Variants in FRMD5 observed in about 807,000 individuals in gnomAD.
FRMD5 encodes FERM domain containing 5, also known as FERM domain-containing protein 5.
In FRMD5, 20 loss-of-function variants were observed where a neutral mutation model predicts 69.0. That is an observed-to-expected ratio of 0.29 (90% CI 0.20 to 0.42). The LOEUF (loss-of-function observed/expected upper bound fraction) is 0.42, where lower values mean the gene tolerates loss of function less well. FRMD5 is among the 10% of genes least tolerant of loss of function. FRMD5 has a pLI of 1.00. For synonymous variants in FRMD5, 271 were observed against 260.1 expected, an observed-to-expected ratio of 1.04 and a Z score of -0.40; for missense variants, 595 against 708.6, an observed-to-expected ratio of 0.84 and a Z score of 1.82.
chr15:44,014,326 G>A (rs1008764487), intron 1 of FRMD5, among the ~76,000 whole-genome samples: 2 of 152,158 alleles, frequency 1.3e-5, no homozygotes, highest in African/African-American at 4.8e-5. Context: ...GAGAGGTTAA[G>A]TGTAAGGACT....
At chr15:43,893,140 A>C (rs898023168) in intron 7 of FRMD5, among the ~76,000 whole-genome samples, 2 of 152,044 alleles carry the variant, frequency 1.3e-5, no homozygotes, top group African/African-American at 4.8e-5. Flanking sequence ...AAAAAAAAAA[A>C]AAACATTTTA....
At chr15:44,085,481 T>G (rs1190075890) in intron 1 of FRMD5, among the ~76,000 whole-genome samples, 4 of 151,990 alleles carry the variant, frequency 2.6e-5, no homozygotes, top group Admixed American at 2.6e-4. Context: ...GTAGAAAAAT[T>G]AAGTAAGAAA....
intron 1 of FRMD5, chr15:43,989,310 G>T: frequency 1.3e-6 from 1 of 785,416 alleles, no homozygotes; most frequent in Non-Finnish European, 2.3e-6. Flanking sequence ...TGGCATACGG[G>T]TCTTTGAGGA....
intron 1 of FRMD5, among the ~76,000 whole-genome samples, chr15:44,101,078 G>C (rs1267003529): frequency 6.6e-6 from 1 of 151,852 alleles, no homozygotes; most frequent in African/African-American, 2.4e-5. Context: ...GAACTCAGGA[G>C]GCGGAGGTTG....
At chr15:44,035,125 C>T (rs1308614327) in intron 1 of FRMD5, among the ~76,000 whole-genome samples, 4 of 152,058 alleles carry the variant, frequency 2.6e-5, no homozygotes, top group Non-Finnish European at 5.9e-5. Context: ...GACTTCAGTC[C>T]AAACCCCAAA....
chr15:44,024,934 G>A (rs1443523633), intron 1 of FRMD5, among the ~76,000 whole-genome samples: 19 of 152,160 alleles, frequency 1.2e-4, no homozygotes, highest in Admixed American at 1.2e-3. Flanking sequence ...AGTAATAGGG[G>A]AATGGTTTAT....
chr15:43,990,112 C>A, intron 1 of FRMD5: 1 of 643,970 alleles, frequency 1.6e-6, no homozygotes, highest in Non-Finnish European at 3.0e-6. Flanking sequence ...GGGTGGGCAT[C>A]GTCACCTGCA....
intron 1 of FRMD5, among the ~76,000 whole-genome samples, chr15:43,998,787 A>T (rs1258520351): frequency 2.6e-5 from 4 of 152,148 alleles, no homozygotes; most frequent in Non-Finnish European, 5.9e-5. Context: ...TCACATCAGG[A>T]AGTTCAGTAT....
chr15:44,154,192 G>A (rs949638357), intron 1 of FRMD5, among the ~76,000 whole-genome samples: 4 of 151,988 alleles, frequency 2.6e-5, no homozygotes, highest in Non-Finnish European at 2.9e-5. Flanking sequence ...GTTTGGTGGT[G>A]CATGCTTTTC....
intron 13 of FRMD5, chr15:43,879,707 C>T (rs940866868): frequency 1.5e-5 from 6 of 398,916 alleles, no homozygotes; most frequent in African/African-American, 6.2e-5. Context: ...TCAGTGGAAA[C>T]CAGCTGATCT....
rs187839265 is a variant in FRMD5, at chr15:44,019,010, C to T, written c.103-94701G>A. ...CCTGGGTTCAAGCGATTCTCCTGCC[C>T]TAGCCTCCCAAGTAGCTGGGACTAT... On this transcript the variant is annotated intron_variant, in intron 1 of 13. Transcript: ENST00000417257. 5.1e-3 allele frequency among the ~76,000 whole-genome samples: 772 copies of T among 152,066 alleles called. 3 individuals carry two copies. The highest frequency in any genetic ancestry group is 8.6e-3 in the Non-Finnish European group (581 of 67,942).
At chr15:43,987,286 T>C (rs1041378325) in intron 1 of FRMD5, among the ~76,000 whole-genome samples, 5 of 152,366 alleles carry the variant, frequency 3.3e-5, no homozygotes, top group African/African-American at 1.2e-4. Flanking sequence ...ACTAGGCATC[T>C]TGTGCCAGTT....
intron 1 of FRMD5, among the ~76,000 whole-genome samples, chr15:44,136,067 G>A (rs565331612): frequency 7.9e-5 from 12 of 151,940 alleles, no homozygotes; most frequent in Non-Finnish European, 1.6e-4. Context: ...TGTCACCCAG[G>A]CTGGAGTACA....
intron 1 of FRMD5, among the ~76,000 whole-genome samples, chr15:44,013,459 C>A (rs1890815569): frequency 6.6e-6 from 1 of 152,184 alleles, no homozygotes; most frequent in Admixed American, 6.5e-5. Context: ...ATGGACTTAA[C>A]CATGGTGGTG....
At chr15:43,922,025 A>G (rs1344094447) in intron 2 of FRMD5, among the ~76,000 whole-genome samples, 3 of 152,188 alleles carry the variant, frequency 2.0e-5, no homozygotes, top group South Asian at 4.1e-4. Flanking sequence ...CATCCCTACC[A>G]TGAATCAGTG....
chr15:43,892,084 G>A lies in FRMD5; in HGVS notation c.640-15C>T. ...CCTGACACGTCCTGCAACACAGAAAGACTTCTCATCGGGTGATGCAGGCAC... is the reference window on the plus strand; with the variant it reads ...CCTGACACGTCCTGCAACACAGAAAAACTTCTCATCGGGTGATGCAGGCAC... On this transcript the variant is annotated splice_polypyrimidine_tract_variant and intron_variant, in intron 7 of 13. Transcript: ENST00000417257. The A allele has an allele frequency of 6.2e-7, 1 of 1,612,184 alleles. No individual in the cohort carries two copies. The highest frequency in any genetic ancestry group is 8.5e-7 in the Non-Finnish European group (1 of 1,178,364).
chr15:43,930,131 T>C (rs1450634197), intron 1 of FRMD5, among the ~76,000 whole-genome samples: 4 of 152,204 alleles, frequency 2.6e-5, no homozygotes, highest in African/African-American at 4.8e-5. Flanking sequence ...CTTCAGCACC[T>C]TCTTTACACT....
intron 1 of FRMD5, among the ~76,000 whole-genome samples, chr15:43,946,525 AAC>A (rs1240358941): frequency 1.3e-5 from 2 of 152,190 alleles, no homozygotes; most frequent in East Asian, 3.8e-4. Context: ...TTTCCACTAC[AAC>A]ACACAGCCTC....
chr15:44,021,254 C>T lies in FRMD5; in HGVS notation c.103-96945G>A, dbSNP rs189394318. 8.1e-4 allele frequency among the ~76,000 whole-genome samples: 124 copies of T among 152,246 alleles called. 1 individual carries two copies. The South Asian group carries it at 0.011, about 13-fold the overall frequency. ...TGAGCTGAGATTGCAACACTGCACACCAGCCTGGGCAAGACCCTGTCTCAA... is the reference window on the plus strand; with the variant it reads ...TGAGCTGAGATTGCAACACTGCACATCAGCCTGGGCAAGACCCTGTCTCAA... On this transcript the variant is annotated intron_variant, in intron 1 of 13. Transcript: ENST00000417257.
Sources: gnomAD v4.1 joint callset for allele counts (sites outside exome capture counted in the v4.1 genomes callset) on GRCh38, gnomAD v4.1.1 for gene constraint, MANE v1.5 for transcripts, NCBI Gene and HGNC (gene_info 2026-07-23, HGNC 2026-07-21) for gene names.